Variants in CTNND2 observed in about 807,000 individuals in gnomAD.
CTNND2 encodes catenin delta 2, also known as catenin delta-2.
In CTNND2, 22 loss-of-function variants were observed where a neutral mutation model predicts 144.4. That is an observed-to-expected ratio of 0.15 (90% CI 0.11 to 0.22). CTNND2 has a LOEUF of 0.22. Ranked by LOEUF, CTNND2 falls within the 10% of genes least tolerant of loss-of-function variation. The pLI, the probability that CTNND2 is intolerant of heterozygous loss-of-function variation, is 1.00. For synonymous variants in CTNND2, 751 were observed against 695.6 expected (o/e 1.08, Z -1.25); for missense variants, 1,353 against 1,618.8 (o/e 0.84, Z 2.82).
At chr5:11,014,716 C>T (rs185613417) in intron 18 of CTNND2, among the ~76,000 whole-genome samples, 1 of 152,284 alleles carries the variant, frequency 6.6e-6, no homozygotes, top group East Asian at 1.9e-4. Flanking sequence ...CCCTAGATAA[C>T]ATAAAGTAGG....
In CTNND2 at chr5:10,996,995, C is replaced by T. The variant is rs568603391; in HGVS notation, c.3085-4318G>A. Among the ~76,000 whole-genome samples the T allele has an allele frequency of 2.6e-5, 4 of 152,176 alleles. No homozygotes were observed. In the South Asian group the frequency reaches 6.3e-4, roughly 24 times the overall value. On this transcript the variant is annotated intron_variant, in intron 18 of 21. Coordinates refer to ENST00000304623, the MANE Select transcript of CTNND2 (RefSeq NM_001332.4). The stretch of plus-strand genomic sequence containing the variant: ...ATGGGGGATAACTGGCTGCTCAGAG[C>T]CTTTGATCGAGGGGTCCAAGTAATG...
At chr5:11,886,251 T>A (rs1582067305) in intron 1 of CTNND2, among the ~76,000 whole-genome samples, 2 of 151,912 alleles carry the variant, frequency 1.3e-5, no homozygotes, top group African/African-American at 4.8e-5. Context: ...ATAAATAAAA[T>A]GACAAATATT....
intron 1 of CTNND2, among the ~76,000 whole-genome samples, chr5:11,841,268 C>T (rs1391224929): frequency 6.6e-6 from 1 of 152,154 alleles, no homozygotes; most frequent in Admixed American, 6.5e-5. Context: ...AGCATTGCTA[C>T]TAGCCTTATA....
intron 15 of CTNND2, among the ~76,000 whole-genome samples, chr5:11,087,990 C>T (rs1456776005): frequency 6.6e-6 from 1 of 152,212 alleles, no homozygotes; most frequent in Non-Finnish European, 1.5e-5. Flanking sequence ...GAAGCATACT[C>T]ATTCCCCAAC....
intron 1 of CTNND2, among the ~76,000 whole-genome samples, chr5:11,843,525 A>G (rs1254265271): frequency 2.6e-5 from 4 of 152,224 alleles, no homozygotes; most frequent in Non-Finnish European, 5.9e-5. Context: ...AAAATAAATA[A>G]TTTGTAAAAC....
At chr5:11,778,331 G>A (rs890573261) in intron 1 of CTNND2, among the ~76,000 whole-genome samples, 8 of 152,006 alleles carry the variant, frequency 5.3e-5, no homozygotes, top group South Asian at 2.1e-4. Context: ...GCAGTGGTGC[G>A]GGGAAGAAGA....
intron 1 of CTNND2, among the ~76,000 whole-genome samples, chr5:11,820,668 C>T (rs530900739): frequency 6.6e-6 from 1 of 152,268 alleles, no homozygotes; most frequent in East Asian, 1.9e-4. Context: ...ATTTTCTTTT[C>T]CTATATGGAC....
At chr5:11,793,934 C>T (rs1188813504) in intron 1 of CTNND2, among the ~76,000 whole-genome samples, 1 of 152,214 alleles carries the variant, frequency 6.6e-6, no homozygotes, top group Non-Finnish European at 1.5e-5. Context: ...AGTATTATCT[C>T]TAGGTTGACT....
At chr5:11,199,690 T>G (rs778066123) in intron 10 of CTNND2, 29 bp from the exon 11 acceptor site, 1 of 1,584,326 alleles carries the variant, frequency 6.3e-7, no homozygotes, top group Admixed American at 1.7e-5. Context: ...CCACTTTTGC[T>G]TTACAGTGTA....
chr5:11,137,059 AG>A (rs1756228106), intron 12 of CTNND2, among the ~76,000 whole-genome samples: 1 of 152,258 alleles, frequency 6.6e-6, no homozygotes, highest in Non-Finnish European at 1.5e-5. Flanking sequence ...ATATATCACC[AG>A]CAGCTAGTAC....
chr5:11,787,663 T>C (rs1790905280), intron 1 of CTNND2, among the ~76,000 whole-genome samples: 1 of 152,190 alleles, frequency 6.6e-6, no homozygotes, highest in Non-Finnish European at 1.5e-5. Context: ...CACTGAACTT[T>C]ACACATTCCC....
At chr5:11,475,350 TA>T (rs1484218354) in intron 3 of CTNND2, among the ~76,000 whole-genome samples, 1 of 152,238 alleles carries the variant, frequency 6.6e-6, no homozygotes, top group Non-Finnish European at 1.5e-5. Flanking sequence ...TTCTCCCTTT[TA>T]TTCACCAAAC....
intron 12 of CTNND2, among the ~76,000 whole-genome samples, chr5:11,147,463 T>G (rs12516262): frequency 0.41 from 62,692 of 151,830 alleles, 14,786 homozygotes; most frequent in Admixed American, 0.53. Flanking sequence ...ATTGCAAACA[T>G]GGTGAATGAA....
intron 19 of CTNND2, among the ~76,000 whole-genome samples, chr5:10,989,859 A>G (rs557316045): frequency 3.5e-4 from 53 of 152,218 alleles, no homozygotes; most frequent in Non-Finnish European, 7.1e-4. Context: ...GAAGATAAAC[A>G]TGGGTTGTTG....
chr5:11,872,645 C>T (rs535501291), intron 1 of CTNND2, among the ~76,000 whole-genome samples: 2 of 150,650 alleles, frequency 1.3e-5, no homozygotes, highest in East Asian at 2.0e-4. Context: ...TGATGATGAG[C>T]TTTTTTTCAT....
intron 9 of CTNND2, among the ~76,000 whole-genome samples, chr5:11,303,141 T>C (rs1186950565): frequency 6.6e-6 from 1 of 152,184 alleles, no homozygotes; most frequent in African/African-American, 2.4e-5. Context: ...TCTCTTCCAC[T>C]CAACACTTAG....
intron 9 of CTNND2, among the ~76,000 whole-genome samples, chr5:11,305,151 C>A (rs1038570352): frequency 6.6e-6 from 1 of 152,170 alleles, no homozygotes. Context: ...TTGTTCTGAG[C>A]GCCTTTCAAA....
intron 1 of CTNND2, among the ~76,000 whole-genome samples, chr5:11,779,599 T>C (rs1790437021): frequency 6.6e-6 from 1 of 152,230 alleles, no homozygotes; most frequent in Admixed American, 6.5e-5. Context: ...GTCACTTCGA[T>C]GGAGATCAGC....
chr5:11,188,443 C>T (rs1363779560), intron 11 of CTNND2, among the ~76,000 whole-genome samples: 2 of 152,126 alleles, frequency 1.3e-5, no homozygotes, highest in East Asian at 3.9e-4. Context: ...GAACAACCCA[C>T]ACTGGGGCCA....
Sources: gnomAD v4.1 joint callset for allele counts (sites outside exome capture counted in the v4.1 genomes callset) on GRCh38, gnomAD v4.1.1 for gene constraint, MANE v1.5 for transcripts, NCBI Gene and HGNC (gene_info 2026-07-23, HGNC 2026-07-21) for gene names.